Variants in METAP2 observed in about 807,000 individuals in gnomAD.
The protein encoded by METAP2 is methionine aminopeptidase 2.
METAP2 carries 25 observed loss-of-function variants against 59.4 expected under a neutral mutation model. The observed-to-expected ratio is 0.42, with a 90% CI of 0.31 to 0.59. The LOEUF (loss-of-function observed/expected upper bound fraction) is 0.59. Among genes scored for constraint, METAP2 ranks in the 20% least tolerant of loss-of-function variants. The pLI is 0.16. For missense variants in METAP2, 366 were observed against 581.2 expected (o/e 0.63, Z 3.81); for synonymous variants, 214 against 194.1 (o/e 1.10, Z -0.85).
intron 10 of METAP2, among the ~76,000 whole-genome samples, chr12:95,513,248 CT>C (rs1594442570): frequency 6.6e-6 from 1 of 152,142 alleles, no homozygotes; most frequent in East Asian, 1.9e-4. Context: ...TTTACAGCGT[CT>C]TTCAATTTAC....
At position 95,483,227 on chromosome 12, in the gene METAP2, A is replaced by T. The variant is rs1223263110; in HGVS notation, c.272A>T (p.Asp91Val). 6.2e-7 allele frequency: 1 copy of T among 1,613,008 alleles called. No individual in the cohort carries two copies. Among genetic ancestry groups the T allele is most frequent in the Admixed American group, 1.7e-5 (1 of 60,006 alleles). The change falls in exon 3 of 11, where the codon GAT (aspartate) becomes GTT (valine). Residue 91 changes from aspartate to valine, a missense_variant. Transcript: ENST00000323666. ...TGTCTTTTCTTAGATGGAGATGGCG[A>T]TGGAGATGGAGCAACTGGAAAGAAG... ...RDEDDEDGDG[D>V]GDGATGKKKK...
intron 10 of METAP2, among the ~76,000 whole-genome samples, chr12:95,513,413 C>T (rs2076419753): frequency 6.6e-6 from 1 of 152,182 alleles, no homozygotes; most frequent in Admixed American, 6.5e-5. Flanking sequence ...CACGCACACG[C>T]GCGCGCACGT....
intron 3 of METAP2, chr12:95,484,994 A>G (rs1319777766): frequency 2.4e-5 from 10 of 412,690 alleles, no homozygotes; most frequent in Non-Finnish European, 4.2e-5. Context: ...AAATAATATA[A>G]TCATGGGCAG....
intron 4 of METAP2, among the ~76,000 whole-genome samples, chr12:95,491,104 A>G (rs1462204124): frequency 7.1e-6 from 1 of 139,870 alleles, no homozygotes; most frequent in Admixed American, 7.0e-5. Flanking sequence ...TTTTTCTTTT[A>G]AAGGTACTTT....
At chr12:95,506,313 T>A (rs1594435711) in intron 8 of METAP2, among the ~76,000 whole-genome samples, 2 of 148,302 alleles carry the variant, frequency 1.3e-5, no homozygotes, top group African/African-American at 4.9e-5. Flanking sequence ...TTTTTTTTTT[T>A]TGAGACGCAA....
In METAP2 at chr12:95,476,095, A is replaced by C; in HGVS notation, c.176A>C (p.Glu59Ala). 1 of 1,609,940 alleles carries C rather than the reference A, an allele frequency of 6.2e-7. No homozygotes were observed. Among genetic ancestry groups the C allele is most frequent in the South Asian group, 1.1e-5 (1 of 90,420 alleles). The change falls in exon 2 of 11, where the codon GAA (glutamate) becomes GCA (alanine). Residue 59 changes from glutamate (E) to alanine (A), a missense_variant. By Grantham distance (107) the Glu-to-Ala change is moderately radical (BLOSUM62 -1). Transcript: ENST00000323666. ...SAAGEQEPDKESGASVDEVAR... is the reference protein window; with the variant it reads ...SAAGEQEPDKASGASVDEVAR... Reference sequence around the variant, plus strand: ...GCAGGGGAACAGGAACCTGATAAAGAATCAGGAGCCTCAGTGGATGAAGTA... The same window carrying C: ...GCAGGGGAACAGGAACCTGATAAAGCATCAGGAGCCTCAGTGGATGAAGTA...
intron 1 of METAP2, among the ~76,000 whole-genome samples, chr12:95,474,908 GTGA>G (rs2076106671): frequency 6.6e-6 from 1 of 152,118 alleles, no homozygotes; most frequent in Non-Finnish European, 1.5e-5. Flanking sequence ...ATTTGTGGTG[GTGA>G]TAACGAATTT....
chr12:95,488,996 T>C lies in METAP2; in HGVS notation c.428+3015T>C, dbSNP rs535346671. Among the ~76,000 whole-genome samples the C allele has an allele frequency of 2.0e-5, 3 of 152,322 alleles. No individual in the cohort carries two copies. The South Asian group carries it at 6.2e-4, about 32-fold the overall frequency. On this transcript the variant is annotated intron_variant, in intron 4 of 10. Coordinates refer to ENST00000323666, the MANE Select transcript of METAP2 (RefSeq NM_006838.4). ...TATCACCTTGTCTTATCCAATGTCA[T>C]GGGATGTTTTTGATATTTTTTCACT...
intron 7 of METAP2, among the ~76,000 whole-genome samples, chr12:95,498,837 G>A (rs1186623934): frequency 6.6e-6 from 1 of 152,012 alleles, no homozygotes; most frequent in East Asian, 1.9e-4. Context: ...AAGATAGCAA[G>A]ACCCCAACTC....
Position 95,515,769 on chromosome 12 carries a change from C to T in METAP2, c.*1865C>T, listed in dbSNP as rs2076443836. On this transcript the variant is annotated 3_prime_UTR_variant, in exon 11 of 11. Coordinates refer to ENST00000323666, the MANE Select transcript of METAP2 (RefSeq NM_006838.4). The stretch of plus-strand genomic sequence containing the variant: ...ATTTTGTTATGTTTACAACGATGTA[C>T]CTTATTGGCAACAAGTTATTAGTTT... 1 of 152,030 alleles carries T rather than the reference C, an allele frequency of 6.6e-6. No homozygotes were observed. Among genetic ancestry groups the T allele is most frequent in the Admixed American group, 6.6e-5 (1 of 15,254 alleles). The allele number at this position is 152,030 out of a possible 1,614,324, so 9.4% of individuals were successfully genotyped here. A position where few individuals can be genotyped will look rare whatever the true frequency, so the allele number is the denominator to read the frequency against.
At chr12:95,492,722 G>A (rs1565779772) in intron 4 of METAP2, among the ~76,000 whole-genome samples, 1 of 151,822 alleles carries the variant, frequency 6.6e-6, no homozygotes, top group African/African-American at 2.4e-5. Flanking sequence ...TAAGCCCAAC[G>A]CCCAGCTAAT....
At position 95,485,876 on chromosome 12, in the gene METAP2, C is replaced by T. The variant is rs1314973576; in HGVS notation, c.326-3C>T. 6.5e-7 allele frequency: 1 copy of T among 1,530,378 alleles called. No individual in the cohort carries two copies. The highest frequency in any genetic ancestry group is 8.8e-7 in the Non-Finnish European group (1 of 1,139,592). 94.8% of individuals were successfully genotyped at this position (1,530,378 alleles called of 1,614,324 possible). On this transcript the variant is annotated splice_polypyrimidine_tract_variant and splice_region_variant and intron_variant, in intron 3 of 10. Coordinates refer to ENST00000323666, the MANE Select transcript of METAP2 (RefSeq NM_006838.4). ...AAGTTAATGCTTTATTTGTATCTCA[C>T]AGCAAAAGTTCAAACAGACCCTCCC...
chr12:95,475,133 G>C (rs1455159332), intron 1 of METAP2, among the ~76,000 whole-genome samples: 1 of 151,694 alleles, frequency 6.6e-6, no homozygotes, highest in Admixed American at 6.6e-5. Context: ...TGAGAAGTCT[G>C]TGTTTTTGCT....
intron 9 of METAP2, 150 bp from the exon 10 acceptor site, chr12:95,512,651 G>T: frequency 3.7e-6 from 2 of 539,714 alleles, no homozygotes; most frequent in South Asian, 2.6e-5. Context: ...AGTGGAGGTT[G>T]CAGTGAGCCA....
chr12:95,490,697 G>A (rs942031080), intron 4 of METAP2, among the ~76,000 whole-genome samples: 15 of 150,446 alleles, frequency 1.0e-4, no homozygotes, highest in African/African-American at 3.7e-4. Flanking sequence ...AGTAGTTATA[G>A]TAATGTTTGT....
chr12:95,511,472 A>G (rs1594440816), intron 8 of METAP2, among the ~76,000 whole-genome samples: 1 of 141,852 alleles, frequency 7.0e-6, no homozygotes, highest in Admixed American at 7.8e-5. Flanking sequence ...GCTCACGGCA[A>G]CCTCCGCTTC....
chr12:95,500,369 A>G (rs1349882261), intron 7 of METAP2, among the ~76,000 whole-genome samples: 1 of 152,176 alleles, frequency 6.6e-6, no homozygotes, highest in Non-Finnish European at 1.5e-5. Flanking sequence ...TTTTACTTCC[A>G]TCCCAATTTA....
chr12:95,498,428 ATGT>A (rs1273911346), intron 7 of METAP2, among the ~76,000 whole-genome samples: 4 of 152,164 alleles, frequency 2.6e-5, no homozygotes, highest in South Asian at 4.1e-4. Flanking sequence ...GAAGCATAAA[ATGT>A]TGTCATGAAG....
chr12:95,514,126 C>G lies in METAP2; in HGVS notation c.*222C>G. ...TTAAATGCTAACTGTTTTTCCCCTT[C>G]CTGTCTAGGAAAATGCTATAAAGCT... On this transcript the variant is annotated 3_prime_UTR_variant, in exon 11 of 11. Coordinates refer to ENST00000323666, the MANE Select transcript of METAP2 (RefSeq NM_006838.4). The G allele has an allele frequency of 1.9e-6, 1 of 523,598 alleles. No homozygotes were observed. Among genetic ancestry groups the G allele is most frequent in the Non-Finnish European group, 3.3e-6 (1 of 307,430 alleles). The allele number at this position is 523,598 out of a possible 1,614,324, so 32.4% of individuals were successfully genotyped here.
Sources: allele counts gnomAD v4.1 joint callset (sites outside exome capture counted in the v4.1 genomes callset), GRCh38; gene constraint gnomAD v4.1.1; transcripts MANE v1.5; gene names NCBI Gene and HGNC (gene_info 2026-07-23, HGNC 2026-07-21).